MKRN2OS: variants seen among roughly 807,000 people sequenced by gnomAD.
The protein encoded by MKRN2OS is MKRN2 opposite strand.
Under a neutral mutation model 18.2 loss-of-function variants are expected in MKRN2OS, and 17 were observed. The ratio of observed to expected loss-of-function variants is 0.93; its 90% CI spans 0.64 to 1.40. MKRN2OS has a LOEUF of 1.40. Ranked by LOEUF, MKRN2OS falls within the 40% of genes most tolerant of loss-of-function variation. The probability of loss-of-function intolerance (pLI) is 0.00; values close to 1 mark genes in which losing one functional copy is unlikely to be tolerated. For synonymous variants in MKRN2OS, 121 were observed against 108.5 expected, an observed-to-expected ratio of 1.12 and a Z score of -0.72; for missense variants, 337 against 283.0, an observed-to-expected ratio of 1.19 and a Z score of -1.37.
intron 1 of MKRN2OS, among the ~76,000 whole-genome samples, chr3:12,555,506 T>C (rs1161331120): frequency 1.3e-5 from 2 of 152,268 alleles, no homozygotes; most frequent in African/African-American, 2.4e-5. Flanking sequence ...AGACTCAATA[T>C]TTTTATAGCA....
chr3:12,545,500 G>A (rs774729575), upstream of MKRN2OS: 101 of 1,444,882 alleles, frequency 7.0e-5, no homozygotes, highest in South Asian at 2.1e-4. Flanking sequence ...GGAGGTTTCC[G>A]GAGACTTCCT....
At chr3:12,548,513 T>A (rs955767118), upstream of MKRN2OS, among the ~76,000 whole-genome samples, 8 of 145,794 alleles carry the variant, frequency 5.5e-5, no homozygotes, top group African/African-American at 2.0e-4. Flanking sequence ...ACATCTGTAG[T>A]CCCACCTACT....
At position 12,543,354 on chromosome 3, in the gene MKRN2OS, A is replaced by G. The variant is rs951252760; in HGVS notation, c.219-125T>C. Reference sequence around the variant, plus strand: ...GTAATCCCAGCACTTTGGGAGGCCAAGGCGGGCAGATCACTTGAGGCCAGG... The same window carrying G: ...GTAATCCCAGCACTTTGGGAGGCCAGGGCGGGCAGATCACTTGAGGCCAGG... On this transcript the variant is annotated intron_variant, in intron 1 of 3. Transcript: ENST00000564146. 5 of 707,234 alleles carry G rather than the reference A, an allele frequency of 7.1e-6. No homozygotes were observed. In the African/African-American group the frequency reaches 7.1e-5, roughly 10 times the overall value. 43.8% of individuals were successfully genotyped at this position (707,234 alleles called of 1,614,324 possible). A position where few individuals can be genotyped will look rare whatever the true frequency, so the allele number is the denominator to read the frequency against.
chr3:12,541,093 G>A (rs1415462063), intron 3 of MKRN2OS, among the ~76,000 whole-genome samples: 1 of 151,606 alleles, frequency 6.6e-6, no homozygotes, highest in Non-Finnish European at 1.5e-5. Context: ...AACTTATTTC[G>A]GGGGAAACCT....
At chr3:12,554,635 G>A (rs1004103219) in intron 1 of MKRN2OS, among the ~76,000 whole-genome samples, 1 of 152,000 alleles carries the variant, frequency 6.6e-6, no homozygotes, top group East Asian at 1.9e-4. Flanking sequence ...ATAACTTATG[G>A]CATAGTCGTA....
chr3:12,540,133 T>G lies in MKRN2OS; in HGVS notation c.*60A>C. On this transcript the variant is annotated 3_prime_UTR_variant, in exon 4 of 4. Coordinates refer to ENST00000564146, the MANE Select transcript of MKRN2OS (RefSeq NM_001195279.2). ...GTTAAATGCATTTAGAAATCCATAG[T>G]ACTGATTAAAGGTAGCAACCACCCT... is the stretch of plus-strand genomic sequence containing the variant. The G allele has an allele frequency of 6.5e-7, 1 of 1,533,644 alleles. No individual in the cohort carries two copies.
upstream of MKRN2OS, among the ~76,000 whole-genome samples, chr3:12,548,803 A>AT (rs959777265): frequency 2.4e-4 from 36 of 152,058 alleles, no homozygotes; most frequent in Middle Eastern, 3.4e-3. Flanking sequence ...ATATACCAGC[A>AT]TTTTTTTTCA....
upstream of MKRN2OS, among the ~76,000 whole-genome samples, chr3:12,548,048 G>A (rs532449426): frequency 1.3e-5 from 2 of 152,184 alleles, no homozygotes; most frequent in East Asian, 3.9e-4. Context: ...AGTGGCTCAC[G>A]CCTGAAATCC....
intron 1 of MKRN2OS, among the ~76,000 whole-genome samples, chr3:12,555,108 G>A (rs1422615885): frequency 6.6e-6 from 1 of 152,116 alleles, no homozygotes; most frequent in Non-Finnish European, 1.5e-5. Flanking sequence ...TCAGAAGTTC[G>A]AGACCAGCCT....
Position 12,540,190 on chromosome 3 carries a change from C to G in MKRN2OS, c.*3G>C. On this transcript the variant is annotated 3_prime_UTR_variant, in exon 4 of 4. Transcript: ENST00000564146. ...CAGCGTCCAGGCTGCGCTTACATAG[C>G]TCTCAGCACAAACCGCCGCCCTCAG... is the stretch of plus-strand genomic sequence containing the variant. The G allele has an allele frequency of 6.5e-7, 1 of 1,536,166 alleles. No homozygotes were observed. Among genetic ancestry groups the G allele is most frequent in the Non-Finnish European group, 8.7e-7 (1 of 1,146,926 alleles).
rs1396908469 is a variant in MKRN2OS at position 12,543,219 on chromosome 3, CA to C, written c.228del (p.Asp76GlufsTer10). On this transcript the variant is annotated frameshift_variant, in exon 2 of 4. Coordinates refer to ENST00000564146, the MANE Select transcript of MKRN2OS (RefSeq NM_001195279.2). LOFTEE classifies it high-confidence loss of function. ...ATTCCAACATGAAGATCAGACCTTC[CA>C]TCATACTCTCTGAAAGAAACAAGGT... ...PTQGTFLREY[D>X]GRSDLHVGIT... The C allele has an allele frequency of 6.5e-7, 1 of 1,535,094 alleles. No individual in the cohort carries two copies. The highest frequency in any genetic ancestry group is 2.0e-5 in the Admixed American group (1 of 50,868).
chr3:12,554,698 T>TA (rs1362943797), intron 1 of MKRN2OS, among the ~76,000 whole-genome samples: 2 of 152,068 alleles, frequency 1.3e-5, no homozygotes, highest in Non-Finnish European at 2.9e-5. Flanking sequence ...TATGTACTGA[T>TA]ATGGAAAAAT....
chr3:12,555,458 TA>T (rs2125295952), intron 1 of MKRN2OS, among the ~76,000 whole-genome samples: 1 of 152,278 alleles, frequency 6.6e-6, no homozygotes, highest in African/African-American at 2.4e-5. Context: ...TCAAAAGTTC[TA>T]AATAATTGGA....
At chr3:12,557,483 G>A (rs1047995671) in intron 1 of MKRN2OS, among the ~76,000 whole-genome samples, 1 of 152,252 alleles carries the variant, frequency 6.6e-6, no homozygotes, top group Admixed American at 6.5e-5. Context: ...GGGCGCTGTC[G>A]GGAAGGCTCT....
chr3:12,557,099 G>A lies in MKRN2OS; in HGVS notation n.265-2965C>T, dbSNP rs1228701604. 5 of 1,486,538 alleles carry A rather than the reference G, an allele frequency of 3.4e-6. No homozygotes were observed. The East Asian group carries it at 8.7e-5, about 26-fold the overall frequency. 92.1% of individuals were successfully genotyped at this position (1,486,538 alleles called of 1,614,324 possible). ...CCGGGCCAGGGCCAAGGCCGAGGCG[G>A]CAGCGGCTGCGAGAGGCGGCGGCAC... On this transcript the variant is annotated intron_variant and non_coding_transcript_variant, in intron 1 of 1. Transcript: ENST00000447550.
chr3:12,542,723 A>C (rs1373886967), intron 2 of MKRN2OS, among the ~76,000 whole-genome samples: 2 of 132,880 alleles, frequency 1.5e-5, no homozygotes, highest in Middle Eastern at 3.7e-3. Flanking sequence ...AAAAAAAAAA[A>C]AAAAAAAAAA....
At chr3:12,540,795 C>T (rs1313376825) in intron 3 of MKRN2OS, among the ~76,000 whole-genome samples, 2 of 146,180 alleles carry the variant, frequency 1.4e-5, no homozygotes, top group Middle Eastern at 3.5e-3. Context: ...TTGTTTGAAC[C>T]GGCGGGAGGC....
At chr3:12,543,082 G>C in intron 2 of MKRN2OS, 98 bp downstream of exon 2, 3 of 971,400 alleles carry the variant, frequency 3.1e-6, no homozygotes, top group Non-Finnish European at 4.6e-6. Context: ...GTGAACAATG[G>C]AATCACTTAT....
rs945198604 is a variant in MKRN2OS, at chr3:12,540,430, A to G, written c.435T>C (p.Tyr145=). 4 of 1,536,148 alleles carry G rather than the reference A, an allele frequency of 2.6e-6. No homozygotes were observed. Among genetic ancestry groups the G allele is most frequent in the Non-Finnish European group, 3.5e-6 (4 of 1,146,914 alleles). Residue 145 remains tyrosine (Y), a synonymous_variant, in exon 4 of 4, where the codon TAT becomes TAC. Coordinates refer to ENST00000564146, the MANE Select transcript of MKRN2OS (RefSeq NM_001195279.2). The part of the protein sequence containing the change: ...STSGAWLPHR[Y]EDNHHNCYSY... ...AGTAGCAGTTATGGTGGTTGTCTTC[A>G]TACCTTATGGAGGAGAATAAGGGTG...
Sources: gnomAD v4.1 joint callset for allele counts (sites outside exome capture counted in the v4.1 genomes callset) on GRCh38, gnomAD v4.1.1 for gene constraint, MANE v1.5 for transcripts, NCBI Gene and HGNC (gene_info 2026-07-23, HGNC 2026-07-21) for gene names.